The following PRKCA variants were observed in gnomAD, a reference collection of about 807,000 sequenced individuals.
PRKCA encodes the protein protein kinase C alpha, also known as protein kinase C alpha type.
In PRKCA, 27 loss-of-function variants were observed where a neutral mutation model predicts 87.0. That is an observed-to-expected ratio of 0.31 (90% CI 0.23 to 0.43). PRKCA has a LOEUF of 0.43. PRKCA is among the 20% of genes least tolerant of loss of function. PRKCA has a pLI of 1.00. For synonymous variants in PRKCA, 329 were observed against 311.1 expected (o/e 1.06, Z -0.61); for missense variants, 518 against 852.3 (o/e 0.61, Z 4.88).
intron 10 of PRKCA, among the ~76,000 whole-genome samples, chr17:66,737,481 G>C (rs1301601097): frequency 1.3e-5 from 2 of 152,236 alleles, no homozygotes; most frequent in African/African-American, 4.8e-5. Flanking sequence ...ATCAGTAGCT[G>C]TAATTGATGC....
chr17:66,333,821 G>A (rs1906497251), intron 2 of PRKCA, among the ~76,000 whole-genome samples: 1 of 152,154 alleles, frequency 6.6e-6, no homozygotes, highest in African/African-American at 2.4e-5. Flanking sequence ...GAGTCTTTAG[G>A]ATGATGCTCT....
chr17:66,406,863 A>C (rs1051403168), intron 2 of PRKCA, among the ~76,000 whole-genome samples: 1 of 152,018 alleles, frequency 6.6e-6, no homozygotes, highest in Non-Finnish European at 1.5e-5. Context: ...CACCTGGAGA[A>C]AAGAGCTCCT....
rs538056533 is a variant in PRKCA at position 66,329,843 on chromosome 17, G to A, written c.205+23716G>A. Among the ~76,000 whole-genome samples, 11 of 152,286 alleles carry A rather than the reference G, an allele frequency of 7.2e-5. No individual in the cohort carries two copies. The South Asian group carries it at 2.3e-3, about 32-fold the overall frequency. ...TCAAACACACCCCGTCATTTATCTG[G>A]ATAGTTCTATTTTTCCATACATTGT... On this transcript the variant is annotated intron_variant, in intron 2 of 16. Coordinates refer to ENST00000413366, the MANE Select transcript of PRKCA (RefSeq NM_002737.3).
chr17:66,391,122 T>C (rs7216560), intron 2 of PRKCA, among the ~76,000 whole-genome samples: 22 of 152,144 alleles, frequency 1.4e-4, no homozygotes, highest in African/African-American at 5.3e-4. Flanking sequence ...ATCAGTCCCC[T>C]GCGTGCTGCG....
chr17:66,443,556 A>C (rs2060730728), intron 2 of PRKCA, among the ~76,000 whole-genome samples: 1 of 152,154 alleles, frequency 6.6e-6, no homozygotes, highest in African/African-American at 2.4e-5. Flanking sequence ...CTGCAGGTAA[A>C]TGTCTGTTAT....
chr17:66,405,040 G>T (rs1911282932), intron 2 of PRKCA, among the ~76,000 whole-genome samples: 1 of 152,002 alleles, frequency 6.6e-6, no homozygotes. Flanking sequence ...GTGAGCCACT[G>T]CGCCCGGCCA....
chr17:66,357,649 A>G (rs1050674812), intron 2 of PRKCA, among the ~76,000 whole-genome samples: 1 of 152,206 alleles, frequency 6.6e-6, no homozygotes, highest in Admixed American at 6.5e-5. Flanking sequence ...CGTTTATAAA[A>G]TAGAAATAAT....
Position 66,770,188 on chromosome 17 carries a change from T to C in PRKCA, c.1525-3799T>C, listed in dbSNP as rs536379927. On this transcript the variant is annotated intron_variant, in intron 13 of 16. Transcript: ENST00000413366. ...GCAGATCCAAGTATGTGTAAGTTCA[T>C]TTGTTCATTCATGCATCCAGTCACT... 5.9e-5 allele frequency among the ~76,000 whole-genome samples: 9 copies of C among 152,370 alleles called. No homozygotes were observed. The South Asian group carries it at 1.9e-3, about 32-fold the overall frequency.
intron 3 of PRKCA, among the ~76,000 whole-genome samples, chr17:66,623,268 A>C (rs949919571): frequency 6.6e-6 from 1 of 152,232 alleles, no homozygotes; most frequent in African/African-American, 2.4e-5. Context: ...TACTGACCTC[A>C]GCCAGATTTT....
At chr17:66,729,106 A>T (rs991126180) in intron 8 of PRKCA, among the ~76,000 whole-genome samples, 6 of 152,148 alleles carry the variant, frequency 3.9e-5, no homozygotes, top group Non-Finnish European at 7.3e-5. Context: ...CTTCCTATGT[A>T]TTCTTTTAAA....
At chr17:66,465,460 T>C (rs529978877) in intron 2 of PRKCA, among the ~76,000 whole-genome samples, 2 of 152,284 alleles carry the variant, frequency 1.3e-5, no homozygotes, top group South Asian at 4.1e-4. Context: ...GGTGTGATCA[T>C]GGTTCACAGC....
chr17:66,723,987 A>G (rs547486728), intron 8 of PRKCA, among the ~76,000 whole-genome samples: 3 of 152,320 alleles, frequency 2.0e-5, no homozygotes, highest in African/African-American at 7.2e-5. Flanking sequence ...AGTGAATTTG[A>G]CAGGGATGTT....
intron 2 of PRKCA, among the ~76,000 whole-genome samples, chr17:66,326,749 T>C (rs1048968196): frequency 1.1e-4 from 16 of 152,366 alleles, no homozygotes; most frequent in Middle Eastern, 3.4e-3. Flanking sequence ...ATGTGACTTC[T>C]GTATCTGATG....
intron 8 of PRKCA, among the ~76,000 whole-genome samples, chr17:66,727,657 T>C (rs544202213): frequency 1.6e-4 from 25 of 152,322 alleles, no homozygotes; most frequent in Non-Finnish European, 3.1e-4. Flanking sequence ...GTTCTCCTGC[T>C]ACCACCTTGT....
At chr17:66,330,407 C>G (rs1207078556) in intron 2 of PRKCA, among the ~76,000 whole-genome samples, 1 of 151,880 alleles carries the variant, frequency 6.6e-6, no homozygotes, top group African/African-American at 2.4e-5. Context: ...GCACCTGGCC[C>G]CTGGAGATAA....
chr17:66,549,301 G>A (rs1049569716), intron 3 of PRKCA, among the ~76,000 whole-genome samples: 2 of 152,134 alleles, frequency 1.3e-5, no homozygotes, highest in African/African-American at 2.4e-5. Flanking sequence ...TCAGTCCTTC[G>A]TCCAGAGCCT....
At position 66,510,908 on chromosome 17, in the gene PRKCA, G is replaced by A. The variant is rs182589502; in HGVS notation, c.288+14625G>A. On this transcript the variant is annotated intron_variant, in intron 3 of 16. Coordinates refer to ENST00000413366, the MANE Select transcript of PRKCA (RefSeq NM_002737.3). ...ACTACAGGCGTGCACCACCATGCCC[G>A]GCTAATTTTCGTGTTTTTTGTAGAG... Among the ~76,000 whole-genome samples, 485 of 152,034 alleles carry A rather than the reference G, an allele frequency of 3.2e-3. 6 individuals carry two copies. The highest frequency in any genetic ancestry group is 0.023 in the South Asian group (109 of 4,806).
chr17:66,805,700 C>T lies in PRKCA; in HGVS notation c.*1663C>T, dbSNP rs1598023575. The T allele has an allele frequency of 1.3e-5, 2 of 152,358 alleles. No individual in the cohort carries two copies. Among genetic ancestry groups the T allele is most frequent in the Non-Finnish European group, 1.5e-5 (1 of 68,044 alleles). 9.4% of individuals were successfully genotyped at this position (152,358 alleles called of 1,614,324 possible). On this transcript the variant is annotated 3_prime_UTR_variant, in exon 17 of 17. Transcript: ENST00000413366. ...TCGTCCTGGTTCCTCCGCCACTCTT[C>T]CTCTTGGGGACAACAGGAAGTGTCT...
chr17:66,688,820 A>G, intron 7 of PRKCA, 131 bp from the exon 8 acceptor site: 1 of 663,770 alleles, frequency 1.5e-6, no homozygotes, highest in Non-Finnish European at 2.7e-6. Context: ...AAAATGTAAA[A>G]AAAGTCAAAT....
Sources: gnomAD v4.1 joint callset for allele counts (sites outside exome capture counted in the v4.1 genomes callset) on GRCh38, gnomAD v4.1.1 for gene constraint, MANE v1.5 for transcripts, NCBI Gene and HGNC (gene_info 2026-07-23, HGNC 2026-07-21) for gene names.